Variants in SQSTM1 observed in about 807,000 individuals in gnomAD.
The protein encoded by SQSTM1 is sequestosome 1.
In SQSTM1, 36 loss-of-function variants were observed where a neutral mutation model predicts 45.1. The observed-to-expected ratio is 0.80, with a 90% CI of 0.61 to 1.05. The LOEUF is 1.05. Ranked by LOEUF, SQSTM1 falls within the 50% of genes least tolerant of loss-of-function variation. SQSTM1 has a pLI of 0.00. For synonymous variants in SQSTM1, 290 were observed against 244.3 expected (o/e 1.19, Z -1.74); for missense variants, 617 against 607.1 (o/e 1.02, Z -0.17).
rs1758588829 is a variant in SQSTM1 at position 179,836,886 on chromosome 5, G to C, written c.*293G>C. The C allele has an allele frequency of 1.6e-6, 1 of 611,474 alleles. No homozygotes were observed. Among genetic ancestry groups the C allele is most frequent in the East Asian group, 2.7e-5 (1 of 36,614 alleles). 37.9% of individuals were successfully genotyped at this position (611,474 alleles called of 1,614,324 possible). A position where few individuals can be genotyped will look rare whatever the true frequency, so the allele number is the denominator to read the frequency against. ...ACCCCTCCCTGCAGGGGCTACGTTA[G>C]CAGCCCAGCACATAGCTTGCCTAAT... On this transcript the variant is annotated 3_prime_UTR_variant, in exon 8 of 8. Transcript: ENST00000389805.
chr5:179,830,646 C>T (rs1156385495), intron 5 of SQSTM1, among the ~76,000 whole-genome samples: 1 of 152,064 alleles, frequency 6.6e-6, no homozygotes, highest in East Asian at 1.9e-4. Flanking sequence ...GCAGTTTCCA[C>T]CTCCTGGGTT....
chr5:179,829,017 C>G (rs1008579134), intron 5 of SQSTM1, among the ~76,000 whole-genome samples: 1 of 151,538 alleles, frequency 6.6e-6, no homozygotes, highest in Non-Finnish European at 1.5e-5. Context: ...TGGGAGTGAT[C>G]GGGGGACAGG....
intron 1 of SQSTM1, chr5:179,821,590 C>T: frequency 2.2e-6 from 1 of 449,196 alleles, no homozygotes; most frequent in Admixed American, 2.4e-5. Context: ...GCCGGGCGAG[C>T]GCCGGCGAGG....
chr5:179,832,948 T>C, intron 5 of SQSTM1, 84 bp from the exon 6 acceptor site: 1 of 1,366,180 alleles, frequency 7.3e-7, no homozygotes. Flanking sequence ...TTCGTGAGTC[T>C]GTAGTCTCCA....
rs201263163 is a variant in SQSTM1, at chr5:179,824,284, C to T, written c.634C>T (p.Arg212Cys). 1.3e-5 allele frequency: 21 copies of T among 1,613,664 alleles called. No homozygotes were observed. The highest frequency in any genetic ancestry group is 3.3e-5 in the Admixed American group (2 of 60,010). ...PPGNWSPRPP[R>C]AGEARPGPTA... ...AGGAAACTGGAGCCCACGTCCTCCT[C>T]GTGCAGGGGAGGCCCGCCCTGGCCC... Residue 212 changes from arginine (R) to cysteine (C), a missense_variant, in exon 4 of 8, where the codon CGT (arginine) becomes TGT (cysteine). By Grantham distance (180) the Arg-to-Cys change is radical. Coordinates refer to ENST00000389805, the MANE Select transcript of SQSTM1 (RefSeq NM_003900.5).
upstream of SQSTM1, among the ~76,000 whole-genome samples, chr5:179,814,412 C>G (rs1757519601): frequency 6.6e-6 from 1 of 152,182 alleles, no homozygotes; most frequent in Admixed American, 6.5e-5. Flanking sequence ...CGTCGGTTAA[C>G]AGCAACTTAG....
intron 5 of SQSTM1, among the ~76,000 whole-genome samples, chr5:179,828,693 C>T (rs1415831366): frequency 6.6e-6 from 1 of 152,160 alleles, no homozygotes; most frequent in Non-Finnish European, 1.5e-5. Context: ...TTTTCATAAT[C>T]ACAAGTTGGG....
chr5:179,821,183 G>A, intron 1 of SQSTM1, 42 bp downstream of exon 1: 1 of 1,320,728 alleles, frequency 7.6e-7, no homozygotes, highest in Non-Finnish European at 9.6e-7. Flanking sequence ...ACGCAGGCCG[G>A]ACACGGCCTC....
rs538853972 is a variant in SQSTM1, at chr5:179,836,419, CCTTA to C, written c.1166-14_1166-11del. The C allele has an allele frequency of 1.6e-4, 259 of 1,614,160 alleles. 2 individuals carry two copies. The African/African-American group carries it at 2.1e-3, about 13-fold the overall frequency. On this transcript the variant is annotated splice_polypyrimidine_tract_variant and intron_variant, in intron 7 of 7. Coordinates refer to ENST00000389805, the MANE Select transcript of SQSTM1 (RefSeq NM_003900.5). ...GGCTCAGCACCACTCCTCATGGCTT[CCTTA>C]CTGTTTCGGCAGAGGCTGACCCGCG...
At position 179,833,618 on chromosome 5, in the gene SQSTM1, G is replaced by A; in HGVS notation, c.1001G>A (p.Gly334Glu). Reference sequence around the variant, plus strand: ...ATGGAGTCGGATAACTGTTCAGGAGGAGATGATGACTGGACCCATCTGTCT... The same window carrying A: ...ATGGAGTCGGATAACTGTTCAGGAGAAGATGATGACTGGACCCATCTGTCT... ...EQMESDNCSGGDDDWTHLSSK... is the reference protein window; with the variant it reads ...EQMESDNCSGEDDDWTHLSSK... Residue 334 changes from glycine to glutamate, a missense_variant, in exon 7 of 8, where the codon GGA (glycine) becomes GAA (glutamate). Gly to Glu is a moderately conservative substitution (Grantham distance 98). Transcript: ENST00000389805. 4 of 1,614,180 alleles carry A rather than the reference G, an allele frequency of 2.5e-6. No individual in the cohort carries two copies. The highest frequency in any genetic ancestry group is 3.4e-6 in the Non-Finnish European group (4 of 1,180,034).
At chr5:179,827,890 G>A (rs760718532) in intron 5 of SQSTM1, among the ~76,000 whole-genome samples, 2 of 152,200 alleles carry the variant, frequency 1.3e-5, no homozygotes, top group Non-Finnish European at 2.9e-5. Context: ...GGCAGTGTGT[G>A]TAGGGTAAGC....
rs1030071354 is a variant in SQSTM1 at position 179,806,556 on chromosome 5, T to C, written c.-192T>C. 2.3e-6 allele frequency: 3 copies of C among 1,318,886 alleles called. No homozygotes were observed. Among genetic ancestry groups the C allele is most frequent in the South Asian group, 1.4e-5 (1 of 69,280 alleles). 81.7% of individuals were successfully genotyped at this position (1,318,886 alleles called of 1,614,324 possible). A position where few individuals can be genotyped will look rare whatever the true frequency, so the allele number is the denominator to read the frequency against. ...GCGCACAGGCAGAAGAGCAGCAGCGTCAGGAAGGTGCCATTGCGGAGCCTC... is the reference window on the plus strand; with the variant it reads ...GCGCACAGGCAGAAGAGCAGCAGCGCCAGGAAGGTGCCATTGCGGAGCCTC... On this transcript the variant is annotated 5_prime_UTR_variant, in exon 1 of 6. Coordinates refer to the SQSTM1 transcript ENST00000514093. The surrounding 1 kb of genome is among the most constrained non-coding windows in gnomAD (Gnocchi z 4.6).
chr5:179,825,858 G>A (rs149014581), intron 5 of SQSTM1, among the ~76,000 whole-genome samples: 1 of 152,266 alleles, frequency 6.6e-6, no homozygotes, highest in African/African-American at 2.4e-5. Context: ...TGTTGCGTCT[G>A]GCTAAGGGTC....
At chr5:179,832,468 G>A (rs1296314759) in intron 5 of SQSTM1, among the ~76,000 whole-genome samples, 1 of 152,224 alleles carries the variant, frequency 6.6e-6, no homozygotes, top group African/African-American at 2.4e-5. Flanking sequence ...CCGGCGTTGA[G>A]GTGTGCGTGT....
chr5:179,819,464 G>A (rs1757690219), upstream of SQSTM1, among the ~76,000 whole-genome samples: 1 of 152,216 alleles, frequency 6.6e-6, no homozygotes, highest in Non-Finnish European at 1.5e-5. Flanking sequence ...TCAAAGCTAT[G>A]TTCCCAGAGC....
chr5:179,833,402 G>A (rs1477234079), intron 6 of SQSTM1, 156 bp downstream of exon 6: 1 of 998,342 alleles, frequency 1.0e-6, no homozygotes. Context: ...AAGTCACGCT[G>A]GGAACCTGCT....
Position 179,821,052 on chromosome 5 carries a change from C to T in SQSTM1, c.116C>T (p.Ala39Val), listed in dbSNP as rs1378410118. ...CCTGAGGCGGAAGCCGAGGCTGCGG[C>T]GGGTCCGGGACCCTGCGAGCGGCTG... ...PEPEAEAEAAAGPGPCERLLS... is the reference protein window; with the variant it reads ...PEPEAEAEAAVGPGPCERLLS... The change falls in exon 1 of 8, where the codon GCG becomes GTG. Residue 39 changes from alanine (A) to valine (V), a missense_variant. Ala to Val is a moderately conservative substitution (Grantham distance 64). Coordinates refer to ENST00000389805, the MANE Select transcript of SQSTM1 (RefSeq NM_003900.5). 4 of 1,535,892 alleles carry T rather than the reference C, an allele frequency of 2.6e-6. No homozygotes were observed. Among genetic ancestry groups the T allele is most frequent in the Non-Finnish European group, 3.5e-6 (4 of 1,149,952 alleles).
rs1339422506 is a variant in SQSTM1 at position 179,820,934 on chromosome 5, G to T, written c.-3G>T. ...CCCGTTTTCCGCCAGCTCGCCGCTC[G>T]CTATGGCGTCGCTCACCGTGAAGGC... On this transcript the variant is annotated 5_prime_UTR_variant, in exon 1 of 8. Transcript: ENST00000389805. The T allele has an allele frequency of 2.6e-6, 4 of 1,537,706 alleles. No homozygotes were observed. In the Admixed American group the frequency reaches 5.6e-5, roughly 21 times the overall value.
At chr5:179,829,428 C>T (rs1758123837) in intron 5 of SQSTM1, among the ~76,000 whole-genome samples, 1 of 152,152 alleles carries the variant, frequency 6.6e-6, no homozygotes, top group African/African-American at 2.4e-5. Context: ...GGATCAGACC[C>T]CTGGGTCACC....
Sources: gnomAD v4.1 joint callset for allele counts (sites outside exome capture counted in the v4.1 genomes callset) on GRCh38, gnomAD v4.1.1 for gene constraint, Gnocchi (gnomAD v3.1) non-coding constraint, MANE v1.5 for transcripts, NCBI Gene and HGNC (gene_info 2026-07-23, HGNC 2026-07-21) for gene names.